Variants in AGBL4 observed in about 807,000 individuals in gnomAD.
AGBL4 encodes the protein AGBL carboxypeptidase 4.
AGBL4 carries 58 observed loss-of-function variants against 66.4 expected under a neutral mutation model. The ratio of observed to expected loss-of-function variants is 0.87; its 90% CI spans 0.71 to 1.09. AGBL4 has a LOEUF of 1.09. Among genes scored for constraint, AGBL4 ranks in the 50% least tolerant of loss-of-function variants. The pLI is 0.00. For missense variants in AGBL4, 579 were observed against 631.0 expected, an observed-to-expected ratio of 0.92 and a Z score of 0.88; for synonymous variants, 234 against 222.9, an observed-to-expected ratio of 1.05 and a Z score of -0.44.
At chr1:49,158,548 T>A (rs765215863) in intron 4 of AGBL4, among the ~76,000 whole-genome samples, 1 of 152,136 alleles carries the variant, frequency 6.6e-6, no homozygotes, top group Non-Finnish European at 1.5e-5. Flanking sequence ...ATTCTGTTGA[T>A]GTGGGGTGGA....
chr1:48,841,861 C>T (rs945052574), intron 6 of AGBL4, among the ~76,000 whole-genome samples: 1 of 152,020 alleles, frequency 6.6e-6, no homozygotes, highest in African/African-American at 2.4e-5. Context: ...CCATACTGTT[C>T]CATCATGACA....
chr1:49,785,557 A>G (rs1377365522), intron 2 of AGBL4, among the ~76,000 whole-genome samples: 1 of 151,982 alleles, frequency 6.6e-6, no homozygotes, highest in East Asian at 1.9e-4. Context: ...CTCCACAACT[A>G]TGGTATTAAT....
At chr1:49,336,003 A>C (rs1318901991) in intron 3 of AGBL4, among the ~76,000 whole-genome samples, 2 of 151,922 alleles carry the variant, frequency 1.3e-5, no homozygotes, top group Non-Finnish European at 2.9e-5. Context: ...ATGAGATTTT[A>C]TATATATGAT....
intron 11 of AGBL4, 186 bp downstream of exon 11, chr1:48,586,818 A>G (rs1644828592): frequency 1.5e-6 from 1 of 682,422 alleles, no homozygotes; most frequent in South Asian, 2.0e-5. Flanking sequence ...TTGGGGTAGG[A>G]GTATCATACT....
chr1:49,102,731 A>T (rs1325931157), intron 4 of AGBL4, among the ~76,000 whole-genome samples: 1 of 152,216 alleles, frequency 6.6e-6, no homozygotes, highest in Non-Finnish European at 1.5e-5. Flanking sequence ...TATAATATCC[A>T]TTGAAAATCT....
chr1:49,497,219 GTTAT>G (rs1471844242), intron 3 of AGBL4, among the ~76,000 whole-genome samples: 2 of 151,780 alleles, frequency 1.3e-5, no homozygotes, highest in Non-Finnish European at 2.9e-5. Context: ...TAAAAATAGG[GTTAT>G]TTGTTTTCTT....
chr1:49,916,973 C>T (rs1248510032), intron 1 of AGBL4, among the ~76,000 whole-genome samples: 1 of 152,072 alleles, frequency 6.6e-6, no homozygotes, highest in Non-Finnish European at 1.5e-5. Flanking sequence ...AATTTTTATC[C>T]ACCCAAACTA....
At chr1:49,123,988 T>C (rs1341143465) in intron 4 of AGBL4, among the ~76,000 whole-genome samples, 1 of 152,192 alleles carries the variant, frequency 6.6e-6, no homozygotes, top group Non-Finnish European at 1.5e-5. Context: ...ATAGAAGATG[T>C]ACTGATAGAA....
At chr1:49,625,461 A>G (rs1013936072) in intron 3 of AGBL4, among the ~76,000 whole-genome samples, 14 of 152,188 alleles carry the variant, frequency 9.2e-5, no homozygotes, top group African/African-American at 3.4e-4. Flanking sequence ...AAGACTAAAG[A>G]CATAACTCCT....
chr1:49,948,245 A>C (rs192716136), intron 1 of AGBL4, among the ~76,000 whole-genome samples: 1 of 101,942 alleles, frequency 9.8e-6, no homozygotes, highest in Non-Finnish European at 1.7e-5. Context: ...TATATAAATA[A>C]ATACATATAA....
At chr1:49,135,120 G>T (rs1188715078) in intron 4 of AGBL4, among the ~76,000 whole-genome samples, 1 of 151,788 alleles carries the variant, frequency 6.6e-6, no homozygotes, top group African/African-American at 2.4e-5. Context: ...GAGAAATATG[G>T]CTCTGTCCTG....
chr1:48,703,971 A>G (rs1427510421), intron 6 of AGBL4, among the ~76,000 whole-genome samples: 1 of 152,254 alleles, frequency 6.6e-6, no homozygotes, highest in Non-Finnish European at 1.5e-5. Context: ...CGAACAGCAC[A>G]GAGTGTACTT....
chr1:49,981,995 C>CA (rs1225764092), intron 1 of AGBL4, among the ~76,000 whole-genome samples: 3 of 152,186 alleles, frequency 2.0e-5, no homozygotes, highest in African/African-American at 7.2e-5. Context: ...CTCTTGATGT[C>CA]AAAGATACTA....
intron 3 of AGBL4, among the ~76,000 whole-genome samples, chr1:49,399,931 C>CT (rs1645048592): frequency 6.6e-6 from 1 of 152,000 alleles, no homozygotes; most frequent in Non-Finnish European, 1.5e-5. Context: ...GTCCAATGTC[C>CT]TGGAGAGTTT....
At chr1:48,896,887 T>C (rs1651569888) in intron 5 of AGBL4, among the ~76,000 whole-genome samples, 1 of 152,230 alleles carries the variant, frequency 6.6e-6, no homozygotes, top group Admixed American at 6.5e-5. Flanking sequence ...TTTTTGGGAC[T>C]AGTTCTGAAT....
intron 3 of AGBL4, among the ~76,000 whole-genome samples, chr1:49,399,880 G>A (rs1645047713): frequency 6.6e-6 from 1 of 151,836 alleles, no homozygotes. Flanking sequence ...TTTTTGCTTT[G>A]GTTGTCTGTG....
At chr1:49,348,355 T>A (rs1466030683) in intron 3 of AGBL4, among the ~76,000 whole-genome samples, 1 of 151,882 alleles carries the variant, frequency 6.6e-6, no homozygotes, top group Non-Finnish European at 1.5e-5. Context: ...GAGGCGGAGC[T>A]TTCAGCAGTG....
chr1:49,525,436 CA>C (rs1330642833), intron 3 of AGBL4, among the ~76,000 whole-genome samples: 1 of 151,908 alleles, frequency 6.6e-6, no homozygotes, highest in African/African-American at 2.4e-5. Context: ...AGGAACTAGC[CA>C]GGGTAAAATC....
intron 3 of AGBL4, among the ~76,000 whole-genome samples, chr1:49,378,488 G>T (rs1223329053): frequency 6.6e-6 from 1 of 152,066 alleles, no homozygotes. Flanking sequence ...CTGATTTGAG[G>T]TAAGGAATGA....
Sources: allele counts gnomAD v4.1 joint callset (sites outside exome capture counted in the v4.1 genomes callset), GRCh38; gene constraint gnomAD v4.1.1; transcripts MANE v1.5; gene names NCBI Gene and HGNC (gene_info 2026-07-23, HGNC 2026-07-21).